Variants in CLEC16A observed in about 807,000 individuals in gnomAD.
CLEC16A encodes protein CLEC16A.
Under a neutral mutation model 109.5 loss-of-function variants are expected in CLEC16A, and 51 were observed. That is an observed-to-expected ratio of 0.47 (90% CI 0.37 to 0.59). The LOEUF is 0.59. Among genes scored for constraint, CLEC16A ranks in the 20% least tolerant of loss-of-function variants. CLEC16A has a pLI of 0.00. For missense variants in CLEC16A, 1,339 were observed against 1,394.0 expected (o/e 0.96, Z 0.63); for synonymous variants, 673 against 564.2 (o/e 1.19, Z -2.73).
intron 10 of CLEC16A, among the ~76,000 whole-genome samples, chr16:10,997,424 C>T (rs2152739725): frequency 6.6e-6 from 1 of 152,322 alleles, no homozygotes; most frequent in South Asian, 2.1e-4. Context: ...AGCCCCTCCT[C>T]AGTTTGTAAC....
Position 11,166,100 on chromosome 16 carries a change from C to T in CLEC16A, c.2642-288C>T, listed in dbSNP as rs998660938. Among the ~76,000 whole-genome samples, 7 of 152,236 alleles carry T rather than the reference C, an allele frequency of 4.6e-5. No homozygotes were observed. In the East Asian group the frequency reaches 7.7e-4, roughly 17 times the overall value. On this transcript the variant is annotated intron_variant, in intron 22 of 23. Coordinates refer to ENST00000409790, the MANE Select transcript of CLEC16A (RefSeq NM_015226.3). Reference sequence around the variant, plus strand: ...TCCCTCTTCAAGGGCACAGCTGGCACGCTGCTGAGCCAGTATCAGGCACTC... The same window carrying T: ...TCCCTCTTCAAGGGCACAGCTGGCATGCTGCTGAGCCAGTATCAGGCACTC...
At chr16:11,092,586 T>C (rs2050376014) in intron 19 of CLEC16A, among the ~76,000 whole-genome samples, 1 of 152,196 alleles carries the variant, frequency 6.6e-6, no homozygotes, top group African/African-American at 2.4e-5. Flanking sequence ...ATCCCTGGCT[T>C]GCAGGCATTT....
At chr16:11,175,239 C>T (rs911676644) in intron 23 of CLEC16A, among the ~76,000 whole-genome samples, 6 of 152,342 alleles carry the variant, frequency 3.9e-5, no homozygotes, top group Non-Finnish European at 8.8e-5. Context: ...CATGGGGGAC[C>T]TGCTGCCTTG....
intron 19 of CLEC16A, among the ~76,000 whole-genome samples, chr16:11,097,513 T>C (rs2050673388): frequency 6.6e-6 from 1 of 152,214 alleles, no homozygotes; most frequent in Non-Finnish European, 1.5e-5. Flanking sequence ...ATTATTTTAC[T>C]TCCTTCTTTA....
intron 19 of CLEC16A, among the ~76,000 whole-genome samples, chr16:11,112,722 T>TC (rs2051683797): frequency 6.6e-6 from 1 of 151,864 alleles, no homozygotes; most frequent in African/African-American, 2.4e-5. Flanking sequence ...TTTTCTCCCC[T>TC]CCCCAAAGAA....
chr16:11,083,844 C>T (rs2049868090), intron 19 of CLEC16A, among the ~76,000 whole-genome samples: 1 of 152,182 alleles, frequency 6.6e-6, no homozygotes, highest in South Asian at 2.1e-4. Context: ...CATGAAGAGT[C>T]TGTCTTACAG....
At chr16:11,150,131 G>C (rs1418044393) in intron 22 of CLEC16A, 4 of 152,210 alleles carry the variant, frequency 2.6e-5, no homozygotes, top group Non-Finnish European at 5.9e-5. Context: ...TTTGGTTTTA[G>C]CTGCTCACGA....
intron 11 of CLEC16A, among the ~76,000 whole-genome samples, chr16:11,003,963 G>T (rs1016800755): frequency 4.7e-5 from 6 of 128,242 alleles, no homozygotes; most frequent in African/African-American, 1.8e-4. Flanking sequence ...ACGAGATCCT[G>T]TCTCTACAAA....
At chr16:10,979,461 G>A in intron 9 of CLEC16A, 79 bp downstream of exon 9, 1 of 1,263,720 alleles carries the variant, frequency 7.9e-7, no homozygotes, top group Non-Finnish European at 1.1e-6. Flanking sequence ...AAATCCCCAG[G>A]CCTTATCACC....
chr16:11,039,954 G>T, intron 14 of CLEC16A, 78 bp downstream of exon 14: 2 of 1,532,824 alleles, frequency 1.3e-6, no homozygotes, highest in Non-Finnish European at 1.8e-6. Flanking sequence ...CTGAGCCCTG[G>T]GTGCTAGGCC....
chr16:11,073,684 C>T (rs1338519681), intron 19 of CLEC16A, among the ~76,000 whole-genome samples: 1 of 152,220 alleles, frequency 6.6e-6, no homozygotes, highest in Non-Finnish European at 1.5e-5. Context: ...CTTGTCGCCC[C>T]TGCCTGGATG....
At chr16:10,974,883 T>A (rs1041859545) in intron 7 of CLEC16A, among the ~76,000 whole-genome samples, 1 of 152,240 alleles carries the variant, frequency 6.6e-6, no homozygotes, top group Non-Finnish European at 1.5e-5. Flanking sequence ...TACTGATAAC[T>A]ACTTGTGGGG....
chr16:11,002,999 T>A, intron 10 of CLEC16A, 75 bp from the exon 11 acceptor site: 1 of 1,251,028 alleles, frequency 8.0e-7, no homozygotes, highest in East Asian at 2.5e-5. Context: ...GGACAGAAAC[T>A]TTTGGGCAAC....
intron 1 of CLEC16A, among the ~76,000 whole-genome samples, chr16:10,955,006 C>T (rs76818150): frequency 0.1 from 15,542 of 152,296 alleles, 761 homozygotes; most frequent in East Asian, 0.12. Context: ...TGTGCATGGT[C>T]ACGTTGCCTC....
intron 22 of CLEC16A, among the ~76,000 whole-genome samples, chr16:11,138,041 A>G (rs1157401426): frequency 6.6e-6 from 1 of 152,148 alleles, no homozygotes; most frequent in Non-Finnish European, 1.5e-5. Flanking sequence ...GGGCCAGGGT[A>G]CGGGACCGCC....
intron 8 of CLEC16A, among the ~76,000 whole-genome samples, chr16:10,978,052 T>G (rs1442727959): frequency 6.6e-6 from 1 of 152,152 alleles, no homozygotes; most frequent in Non-Finnish European, 1.5e-5. Context: ...CAGAACCCAC[T>G]GATTTGGAGA....
At chr16:11,152,400 G>A (rs1465798598) in intron 22 of CLEC16A, among the ~76,000 whole-genome samples, 5 of 152,212 alleles carry the variant, frequency 3.3e-5, no homozygotes, top group African/African-American at 7.2e-5. Flanking sequence ...AGGAAAAGGT[G>A]CTGCCTTGTT....
intron 19 of CLEC16A, among the ~76,000 whole-genome samples, chr16:11,112,903 A>G (rs944014822): frequency 2.0e-5 from 3 of 152,042 alleles, no homozygotes; most frequent in Non-Finnish European, 2.9e-5. Context: ...CTTGGTCTGC[A>G]CAGCCTTTCA....
rs539593220 is a variant in CLEC16A at position 11,181,016 on chromosome 16, C to G, written c.*2326C>G. ...CTTGCAGGGTCACTCTCAGGGGCCTCTTTCAGCTGGGGCTGGCAACTTGCG... is the reference window on the plus strand; with the variant it reads ...CTTGCAGGGTCACTCTCAGGGGCCTGTTTCAGCTGGGGCTGGCAACTTGCG... On this transcript the variant is annotated 3_prime_UTR_variant, in exon 24 of 24. Coordinates refer to ENST00000409790, the MANE Select transcript of CLEC16A (RefSeq NM_015226.3). 6.6e-6 allele frequency: 1 copy of G among 152,574 alleles called. No individual in the cohort carries two copies. Among genetic ancestry groups the G allele is most frequent in the African/African-American group, 2.4e-5 (1 of 41,592 alleles). 9.5% of individuals were successfully genotyped at this position (152,574 alleles called of 1,614,324 possible).
Sources: gnomAD v4.1 joint callset for allele counts (sites outside exome capture counted in the v4.1 genomes callset) on GRCh38, gnomAD v4.1.1 for gene constraint, MANE v1.5 for transcripts, NCBI Gene and HGNC (gene_info 2026-07-23, HGNC 2026-07-21) for gene names.